CLMN: variants seen among roughly 807,000 people sequenced by gnomAD.
CLMN encodes the protein calmin (calponin-like, transmembrane).
In CLMN, 57 loss-of-function variants were observed where a neutral mutation model predicts 92.7. The observed-to-expected ratio is 0.61, with a 90% CI of 0.50 to 0.77. The LOEUF (loss-of-function observed/expected upper bound fraction) is 0.77, where lower values mean the gene tolerates loss of function less well. Ranked by LOEUF, CLMN falls within the 30% of genes least tolerant of loss-of-function variation. The pLI is 0.00. For missense variants in CLMN, 1,158 were observed against 1,237.5 expected, an observed-to-expected ratio of 0.94 and a Z score of 0.96; for synonymous variants, 466 against 470.6, an observed-to-expected ratio of 0.99 and a Z score of 0.13.
chr14:95,311,385 C>G (rs1901532497), intron 1 of CLMN, among the ~76,000 whole-genome samples: 1 of 152,140 alleles, frequency 6.6e-6, no homozygotes, highest in African/African-American at 2.4e-5. Context: ...TGGGGCGTGC[C>G]TCCACCATCG....
At chr14:95,307,647 G>T (rs968710394) in intron 1 of CLMN, 1 of 152,288 alleles carries the variant, frequency 6.6e-6, no homozygotes, top group East Asian at 1.9e-4. Flanking sequence ...GGCACCCAAG[G>T]CCCTTGGCTT....
rs370947528 is a variant in CLMN at position 95,203,321 on chromosome 14, G to A, written c.2028C>T (p.Asp676=). 2.7e-5 allele frequency: 43 copies of A among 1,613,980 alleles called. No homozygotes were observed. Among genetic ancestry groups the A allele is most frequent in the Middle Eastern group, 1.6e-4 (1 of 6,084 alleles). The part of the protein sequence containing the change: ...TRPHYEEEGE[D]DDLQGVGEEL... ...CCTCGCCCACACCCTGGAGGTCATC[G>A]TCTTCTCCCTCTTCCTCATAATGAG... Residue 676 remains aspartate (D), a synonymous_variant, in exon 9 of 13, where the codon GAC becomes GAT. Transcript: ENST00000298912.
At chr14:95,276,888 T>G (rs1405348895) in intron 1 of CLMN, among the ~76,000 whole-genome samples, 2 of 152,106 alleles carry the variant, frequency 1.3e-5, no homozygotes, top group African/African-American at 4.8e-5. Flanking sequence ...ACCCCTGGTG[T>G]GGCATCTTGC....
At chr14:95,210,533 G>A (rs531197192) in intron 7 of CLMN, among the ~76,000 whole-genome samples, 153 bp downstream of exon 7, 5 of 151,982 alleles carry the variant, frequency 3.3e-5, no homozygotes, top group Admixed American at 6.5e-5. Context: ...ATAAAATATC[G>A]GAAAAATATC....
chr14:95,315,903 CAT>C (rs1257684967), intron 1 of CLMN, among the ~76,000 whole-genome samples: 10 of 152,234 alleles, frequency 6.6e-5, no homozygotes, highest in Non-Finnish European at 1.5e-4. Context: ...GCTCGACACA[CAT>C]GTGCTAAACT....
intron 1 of CLMN, among the ~76,000 whole-genome samples, chr14:95,318,850 G>C (rs917368318): frequency 5.9e-5 from 9 of 152,376 alleles, no homozygotes; most frequent in South Asian, 2.1e-4. Context: ...TGGGTGGATA[G>C]GTTGTGGAGG....
intron 1 of CLMN, among the ~76,000 whole-genome samples, chr14:95,290,871 G>T (rs1427315674): frequency 2.0e-5 from 3 of 152,144 alleles, no homozygotes; most frequent in Admixed American, 6.5e-5. Context: ...CTCAATGAAT[G>T]CTGGTTCTAT....
chr14:95,278,475 C>T (rs1454338888), intron 1 of CLMN, among the ~76,000 whole-genome samples: 4 of 152,126 alleles, frequency 2.6e-5, no homozygotes, highest in Non-Finnish European at 5.9e-5. Flanking sequence ...TCTAACAGCC[C>T]GAGACTCCTG....
intron 1 of CLMN, among the ~76,000 whole-genome samples, chr14:95,282,240 T>C (rs1222402284): frequency 1.3e-5 from 2 of 152,120 alleles, no homozygotes; most frequent in African/African-American, 2.4e-5. Flanking sequence ...ACAATTCTTC[T>C]TGCACTAAGA....
Position 95,194,027 on chromosome 14 carries a change from G to A in CLMN, c.2770-108C>T, listed in dbSNP as rs1424072586. On this transcript the variant is annotated intron_variant, in intron 11 of 12. Transcript: ENST00000298912. The surrounding 1 kb of genome is among the most constrained non-coding windows in gnomAD (Gnocchi z 4.0). ...AAACACACAAAGCCGAGCATGCCGG[G>A]CATTTCTCAATACCGCCAGCGTCTA... 14 of 1,521,980 alleles carry A rather than the reference G, an allele frequency of 9.2e-6. No individual in the cohort carries two copies. The highest frequency in any genetic ancestry group is 1.1e-5 in the Non-Finnish European group (13 of 1,138,114). The allele number at this position is 1,521,980 out of a possible 1,614,324, so 94.3% of individuals were successfully genotyped here. A position where few individuals can be genotyped will look rare whatever the true frequency, so the allele number is the denominator to read the frequency against.
At chr14:95,237,264 G>C (rs1471530865) in intron 1 of CLMN, among the ~76,000 whole-genome samples, 2 of 152,224 alleles carry the variant, frequency 1.3e-5, no homozygotes, top group African/African-American at 4.8e-5. Flanking sequence ...GATGGGCGGA[G>C]TGCCTTTCGC....
chr14:95,258,762 G>A (rs753628975), intron 1 of CLMN, among the ~76,000 whole-genome samples: 1 of 149,056 alleles, frequency 6.7e-6, no homozygotes, highest in African/African-American at 2.5e-5. Context: ...GTATGTGTAT[G>A]TATCTGTGGT....
intron 1 of CLMN, among the ~76,000 whole-genome samples, chr14:95,265,262 TGACTTTGA>T: frequency 6.6e-6 from 1 of 150,750 alleles, no homozygotes; most frequent in Admixed American, 6.6e-5. Context: ...AATCCCCAGC[TGACTTTGA>T]GAAAAGCAGA....
intron 4 of CLMN, among the ~76,000 whole-genome samples, chr14:95,218,405 C>G (rs912284555): frequency 6.6e-6 from 1 of 152,208 alleles, no homozygotes; most frequent in Non-Finnish European, 1.5e-5. Flanking sequence ...ACACTGTGCT[C>G]TGTGACGTGT....
intron 8 of CLMN, among the ~76,000 whole-genome samples, chr14:95,207,140 T>C (rs940580170): frequency 1.4e-4 from 22 of 152,246 alleles, no homozygotes; most frequent in African/African-American, 5.1e-4. Context: ...TAATGTGATA[T>C]CTTAAAACGT....
Position 95,310,874 on chromosome 14 carries a change from C to T in CLMN, c.82+8837G>A, listed in dbSNP as rs115579729. ...ACCTGGGTGCAGCTGTGGCCCAGTT[C>T]CTTCAAGGAAGGCCAGGAGAGGTGG... On this transcript the variant is annotated intron_variant, in intron 1 of 12. Transcript: ENST00000298912. Among the ~76,000 whole-genome samples, 1,192 of 152,324 alleles carry T rather than the reference C, an allele frequency of 7.8e-3. 18 individuals are homozygous for T. Among genetic ancestry groups the T allele is most frequent in the African/African-American group, 0.027 (1,127 of 41,564 alleles).
At chr14:95,310,866 G>A (rs1003058098) in intron 1 of CLMN, among the ~76,000 whole-genome samples, 1 of 152,238 alleles carries the variant, frequency 6.6e-6, no homozygotes, top group Non-Finnish European at 1.5e-5. Context: ...TGCAGCTGTG[G>A]CCCAGTTCCT....
chr14:95,239,156 C>G (rs890850440), intron 1 of CLMN, among the ~76,000 whole-genome samples: 8 of 152,220 alleles, frequency 5.3e-5, no homozygotes, highest in Non-Finnish European at 7.4e-5. Context: ...CCAATCCAGG[C>G]AGACTGCCCT....
Position 95,222,718 on chromosome 14 carries a change from G to T in CLMN, c.241-944C>A, listed in dbSNP as rs1031174735. The T allele has an allele frequency of 5.4e-4, 223 of 409,456 alleles. 1 individual carries two copies. Among genetic ancestry groups the T allele is most frequent in the African/African-American group, 4.2e-3 (202 of 48,598 alleles). 25.4% of individuals were successfully genotyped at this position (409,456 alleles called of 1,614,324 possible). ...CGAGGCCTCTAAGAAACCAAATACT[G>T]TTGAGAGTTCATCACTGAATACTGC... On this transcript the variant is annotated intron_variant, in intron 3 of 12. Transcript: ENST00000298912.
Sources: allele counts gnomAD v4.1 joint callset (sites outside exome capture counted in the v4.1 genomes callset), GRCh38; gene constraint gnomAD v4.1.1; non-coding constraint Gnocchi (gnomAD v3.1); transcripts MANE v1.5; gene names NCBI Gene and HGNC (gene_info 2026-07-23, HGNC 2026-07-21).